PHACTR4: variants seen among roughly 807,000 people sequenced by gnomAD.
The protein encoded by PHACTR4 is protein phosphatase 1, regulatory subunit 124.
In PHACTR4, 51 loss-of-function variants were observed where a neutral mutation model predicts 72.7. That is an observed-to-expected ratio of 0.70 (90% CI 0.56 to 0.89). PHACTR4 has a LOEUF of 0.89. Among genes scored for constraint, PHACTR4 ranks in the 40% least tolerant of loss-of-function variants. The pLI is 0.00. For synonymous variants in PHACTR4, 255 were observed against 302.5 expected (o/e 0.84, Z 1.63); for missense variants, 731 against 861.8 (o/e 0.85, Z 1.90).
chr1:28,481,757 T>A (rs1462160056), intron 9 of PHACTR4, among the ~76,000 whole-genome samples: 3 of 148,428 alleles, frequency 2.0e-5, no homozygotes, highest in African/African-American at 5.0e-5. Context: ...GCCACTGTAC[T>A]GCAGCCTGGG....
chr1:28,431,903 C>G (rs1365257353), intron 2 of PHACTR4, among the ~76,000 whole-genome samples: 1 of 152,114 alleles, frequency 6.6e-6, no homozygotes, highest in East Asian at 1.9e-4. Context: ...CTGTCCAAAT[C>G]TGGGCTTTTA....
At chr1:28,411,115 C>G (rs967255488) in intron 2 of PHACTR4, among the ~76,000 whole-genome samples, 1 of 150,626 alleles carries the variant, frequency 6.6e-6, no homozygotes, top group African/African-American at 2.4e-5. Context: ...GGTGTGATCT[C>G]GGCTCACTGC....
intron 1 of PHACTR4, among the ~76,000 whole-genome samples, chr1:28,375,898 C>T (rs764101983): frequency 2.6e-5 from 4 of 151,954 alleles, no homozygotes; most frequent in Non-Finnish European, 4.4e-5. Flanking sequence ...GGAGAAACCC[C>T]GTCTCTACTA....
chr1:28,388,268 A>G (rs1361432228), intron 1 of PHACTR4, among the ~76,000 whole-genome samples: 1 of 152,216 alleles, frequency 6.6e-6, no homozygotes, highest in Non-Finnish European at 1.5e-5. Context: ...AGTCAAAGCA[A>G]TTTTGAGCTA....
Position 28,472,038 on chromosome 1 carries a change from C to T in PHACTR4, c.824-1516C>T, listed in dbSNP as rs539940241. Among the ~76,000 whole-genome samples, 4 of 152,050 alleles carry T rather than the reference C, an allele frequency of 2.6e-5. No homozygotes were observed. In the East Asian group the frequency reaches 5.8e-4, roughly 22 times the overall value. ...CATCCTGGCTAACATGATGAAACCCCGTCTTTACTAAAAATACACAAAAAA... is the reference window on the plus strand; with the variant it reads ...CATCCTGGCTAACATGATGAAACCCTGTCTTTACTAAAAATACACAAAAAA... On this transcript the variant is annotated intron_variant, in intron 6 of 13. Transcript: ENST00000373839.
chr1:28,456,709 G>A (rs1219174886), intron 2 of PHACTR4, among the ~76,000 whole-genome samples: 1 of 151,698 alleles, frequency 6.6e-6, no homozygotes, highest in African/African-American at 2.4e-5. Flanking sequence ...AGAGAAGCCA[G>A]ATGCTGTAGC....
At chr1:28,445,738 G>GT (rs891231365) in intron 2 of PHACTR4, among the ~76,000 whole-genome samples, 2 of 152,038 alleles carry the variant, frequency 1.3e-5, no homozygotes, top group African/African-American at 4.8e-5. Flanking sequence ...CAAAAAAAAT[G>GT]TAACAATTAG....
intron 1 of PHACTR4, among the ~76,000 whole-genome samples, chr1:28,385,407 G>A (rs1029170742): frequency 6.6e-6 from 1 of 151,802 alleles, no homozygotes; most frequent in Non-Finnish European, 1.5e-5. Context: ...AGCCAGGCAT[G>A]GTGGTGCATG....
intron 9 of PHACTR4, among the ~76,000 whole-genome samples, chr1:28,482,149 C>T (rs28534428): frequency 2.0e-5 from 3 of 151,770 alleles, no homozygotes; most frequent in African/African-American, 7.3e-5. Flanking sequence ...TGCCCGCCTT[C>T]GACTCACAAA....
chr1:28,489,817 G>A (rs757569915), intron 10 of PHACTR4: 10 of 518,874 alleles, frequency 1.9e-5, no homozygotes, highest in Admixed American at 1.2e-4. Flanking sequence ...TCACTGAGAA[G>A]GTTTGGGCTT....
chr1:28,423,829 AAC>A (rs1655663440), intron 2 of PHACTR4, among the ~76,000 whole-genome samples: 1 of 152,234 alleles, frequency 6.6e-6, no homozygotes, highest in African/African-American at 2.4e-5. Context: ...TTGGGATTAT[AAC>A]ACACGTTCAA....
At position 28,476,772 on chromosome 1, in the gene PHACTR4, C is replaced by CTTTTTTTTTTTTTT. The variant is rs35369238; in HGVS notation, c.1606+483_1606+496dup. ...GTCTCGTTAGGTTGCCTAGCCTGTT[C>CTTTTTTTTTTTTTT]TTTTTTTTTTTTTTTGAGACGGAGT... On this transcript the variant is annotated intron_variant, in intron 8 of 13. Coordinates refer to ENST00000373839, the MANE Select transcript of PHACTR4 (RefSeq NM_001048183.3). 6.1e-3 allele frequency among the ~76,000 whole-genome samples: 598 copies of CTTTTTTTTTTTTTT among 98,270 alleles called. 102 individuals are homozygous for CTTTTTTTTTTTTTT. Among genetic ancestry groups the CTTTTTTTTTTTTTT allele is most frequent in the African/African-American group, 0.023 (467 of 20,414 alleles). 64.5% of individuals were successfully genotyped at this position (98,270 alleles called of 152,430 possible).
In PHACTR4 at chr1:28,493,053, C is replaced by T. The variant is rs761837277; in HGVS notation, c.2055C>T (p.Ser685=). The T allele has an allele frequency of 3.0e-5, 49 of 1,613,342 alleles. No homozygotes were observed. In the Admixed American group the frequency reaches 3.2e-4, roughly 10 times the overall value. The change falls in exon 13 of 14, where the codon TCC becomes TCT. Residue 685 remains serine (S), a synonymous_variant. Coordinates refer to ENST00000373839, the MANE Select transcript of PHACTR4 (RefSeq NM_001048183.3). ...AAGAATTAAATGAATTTAAAAGCTC[C>T]GAGATGGAGGTTCATGAAGAGAGCA... The part of the protein sequence containing the change: ...IRKELNEFKS[S]EMEVHEESKH...
At chr1:28,379,326 G>C (rs1277303955) in intron 1 of PHACTR4, among the ~76,000 whole-genome samples, 1 of 150,296 alleles carries the variant, frequency 6.7e-6, no homozygotes, top group Non-Finnish European at 1.5e-5. Flanking sequence ...GGAGTGCAGT[G>C]GTGCGACCAC....
At chr1:28,486,317 C>T (rs1044468671) in intron 9 of PHACTR4, among the ~76,000 whole-genome samples, 1 of 152,034 alleles carries the variant, frequency 6.6e-6, no homozygotes, top group East Asian at 1.9e-4. Context: ...GATCGGGCCA[C>T]TGCACTCCAG....
intron 1 of PHACTR4, among the ~76,000 whole-genome samples, chr1:28,400,976 A>G (rs1039849054): frequency 1.6e-4 from 25 of 152,268 alleles, no homozygotes; most frequent in Admixed American, 1.5e-3. Flanking sequence ...GGCTGTCTTG[A>G]GTAATCACCT....
chr1:28,450,952 A>G (rs777543638), intron 2 of PHACTR4, among the ~76,000 whole-genome samples: 3 of 135,216 alleles, frequency 2.2e-5, no homozygotes, highest in Non-Finnish European at 4.7e-5. Flanking sequence ...CTGGAACTAC[A>G]GGCATGTACC....
intron 1 of PHACTR4, among the ~76,000 whole-genome samples, chr1:28,370,046 C>A (rs1651105702): frequency 6.6e-6 from 1 of 152,144 alleles, no homozygotes; most frequent in Non-Finnish European, 1.5e-5. Flanking sequence ...CCGCCTGAGG[C>A]AGGGCCCGCG....
chr1:28,465,395 G>A (rs1365356959), intron 4 of PHACTR4, among the ~76,000 whole-genome samples: 1 of 152,122 alleles, frequency 6.6e-6, no homozygotes, highest in Non-Finnish European at 1.5e-5. Context: ...GGGAGGCAGA[G>A]GCTGCAGCGA....
Sources: gnomAD v4.1 joint callset for allele counts (sites outside exome capture counted in the v4.1 genomes callset) on GRCh38, gnomAD v4.1.1 for gene constraint, MANE v1.5 for transcripts, NCBI Gene and HGNC (gene_info 2026-07-23, HGNC 2026-07-21) for gene names.